SNTG1: variants seen among roughly 807,000 people sequenced by gnomAD.
The protein encoded by SNTG1 is syntrophin gamma 1, also known as gamma-1-syntrophin.
SNTG1 carries 39 observed loss-of-function variants against 74.7 expected under a neutral mutation model. The observed-to-expected ratio is 0.52, with a 90% CI of 0.40 to 0.68. The LOEUF is 0.68. Among genes scored for constraint, SNTG1 ranks in the 30% least tolerant of loss-of-function variants. SNTG1 has a pLI of 0.00. For synonymous variants in SNTG1, 254 were observed against 217.1 expected (o/e 1.17, Z -1.49); for missense variants, 685 against 609.5 (o/e 1.12, Z -1.30).
chr8:50,602,899 A>AT (rs60612544), intron 13 of SNTG1, among the ~76,000 whole-genome samples: 3,427 of 112,622 alleles, frequency 0.03, 55 homozygotes, highest in African/African-American at 0.058. Context: ...ACTGTAAGGT[A>AT]TTTTTTTTTT....
At chr8:50,348,441 T>C (rs2091549842) in intron 2 of SNTG1, among the ~76,000 whole-genome samples, 1 of 152,192 alleles carries the variant, frequency 6.6e-6, no homozygotes. Flanking sequence ...TGTCTCTCTC[T>C]TACATGTGAA....
At chr8:50,468,393 TC>T (rs539078053) in intron 8 of SNTG1, among the ~76,000 whole-genome samples, 11 of 151,932 alleles carry the variant, frequency 7.2e-5, no homozygotes, top group African/African-American at 1.2e-4. Context: ...ATTATTTCAT[TC>T]CCCCCCTTAG....
At chr8:50,748,700 CA>C (rs1355589213) in intron 17 of SNTG1, among the ~76,000 whole-genome samples, 9 of 151,796 alleles carry the variant, frequency 5.9e-5, no homozygotes, top group Non-Finnish European at 1.2e-4. Flanking sequence ...TAAAATGTTT[CA>C]AAGCTTTTTA....
intron 2 of SNTG1, among the ~76,000 whole-genome samples, chr8:50,352,089 C>T (rs1448225554): frequency 2.6e-5 from 4 of 152,204 alleles, no homozygotes; most frequent in East Asian, 1.9e-4. Flanking sequence ...GTCATGTACT[C>T]GGAGAACTTT....
At chr8:50,626,463 A>C (rs1304324535) in intron 13 of SNTG1, among the ~76,000 whole-genome samples, 1 of 152,178 alleles carries the variant, frequency 6.6e-6, no homozygotes, top group Admixed American at 6.6e-5. Flanking sequence ...AAATCAGGGG[A>C]CTCACAGCCT....
At chr8:50,206,207 A>C (rs1034157558) in intron 2 of SNTG1, among the ~76,000 whole-genome samples, 4 of 152,180 alleles carry the variant, frequency 2.6e-5, no homozygotes, top group African/African-American at 9.7e-5. Context: ...TGACCATGGA[A>C]TGTTCTTCCG....
chr8:50,084,593 C>T (rs1822707238), intron 1 of SNTG1, among the ~76,000 whole-genome samples: 1 of 152,182 alleles, frequency 6.6e-6, no homozygotes, highest in South Asian at 2.1e-4. Context: ...TGAGAGTAAA[C>T]TATTGTGCTA....
intron 9 of SNTG1, among the ~76,000 whole-genome samples, chr8:50,520,479 G>T (rs748928396): frequency 6.6e-6 from 1 of 152,126 alleles, no homozygotes; most frequent in East Asian, 1.9e-4. Context: ...CACAGCAAAA[G>T]AAACTATAAT....
intron 15 of SNTG1, among the ~76,000 whole-genome samples, chr8:50,676,855 T>C (rs895416625): frequency 6.6e-6 from 1 of 152,024 alleles, no homozygotes; most frequent in African/African-American, 2.4e-5. Context: ...CAATGCAAGA[T>C]TATTATTTAG....
intron 2 of SNTG1, among the ~76,000 whole-genome samples, chr8:50,320,032 G>A (rs1161063433): frequency 1.3e-5 from 2 of 152,216 alleles, no homozygotes; most frequent in Admixed American, 6.5e-5. Context: ...TGTAGAATAA[G>A]TTTGGAAGTA....
At chr8:50,335,738 G>A (rs143982099) in intron 2 of SNTG1, among the ~76,000 whole-genome samples, 10 of 152,158 alleles carry the variant, frequency 6.6e-5, no homozygotes, top group Admixed American at 6.5e-5. Context: ...TTACACCACC[G>A]CATGGCAAGG....
intron 2 of SNTG1, among the ~76,000 whole-genome samples, chr8:50,293,403 C>CTTTTT (rs11349774): frequency 3.7e-5 from 5 of 135,648 alleles, no homozygotes; most frequent in Admixed American, 7.3e-5. Context: ...TAGTAGGCTT[C>CTTTTT]TTTTTTTTTT....
chr8:50,115,565 C>T (rs2080781100), intron 1 of SNTG1, among the ~76,000 whole-genome samples: 1 of 22,168 alleles, frequency 4.5e-5, no homozygotes, highest in Non-Finnish European at 1.6e-4. Context: ...GAGACTCTGT[C>T]TCAAAAAAAA....
At chr8:50,163,011 G>A (rs1327939260) in intron 1 of SNTG1, among the ~76,000 whole-genome samples, 1 of 152,216 alleles carries the variant, frequency 6.6e-6, no homozygotes, top group Non-Finnish European at 1.5e-5. Context: ...CCATGTGGCT[G>A]CTTCCAGGAT....
intron 2 of SNTG1, among the ~76,000 whole-genome samples, chr8:50,356,987 A>C (rs2091834823): frequency 6.6e-6 from 1 of 152,228 alleles, no homozygotes; most frequent in African/African-American, 2.4e-5. Flanking sequence ...GGGAATGCGT[A>C]ACTGGAAGGG....
At chr8:50,039,252 G>C (rs1422853181) in intron 1 of SNTG1, among the ~76,000 whole-genome samples, 2 of 151,914 alleles carry the variant, frequency 1.3e-5, no homozygotes, top group Non-Finnish European at 2.9e-5. Flanking sequence ...TCAGGAGATC[G>C]AGACCATCCT....
chr8:50,285,984 A>T (rs574616537), intron 2 of SNTG1, among the ~76,000 whole-genome samples: 1 of 152,062 alleles, frequency 6.6e-6, no homozygotes, highest in East Asian at 1.9e-4. Context: ...TGTTTTCACA[A>T]TTGCCATTTT....
intron 13 of SNTG1, among the ~76,000 whole-genome samples, chr8:50,626,821 C>T (rs1843002): frequency 0.6 from 91,323 of 151,956 alleles, 30,135 homozygotes; most frequent in East Asian, 0.77. Flanking sequence ...TTGTTTATGG[C>T]CAGTTTTGGG....
chr8:50,320,284 C>T (rs181514718), intron 2 of SNTG1, among the ~76,000 whole-genome samples: 1 of 152,028 alleles, frequency 6.6e-6, no homozygotes, highest in Non-Finnish European at 1.5e-5. Context: ...TTAGATTTCC[C>T]AATTTATTGG....
Sources: gnomAD v4.1 joint callset for allele counts (sites outside exome capture counted in the v4.1 genomes callset) on GRCh38, gnomAD v4.1.1 for gene constraint, MANE v1.5 for transcripts, NCBI Gene and HGNC (gene_info 2026-07-23, HGNC 2026-07-21) for gene names.